Variants in IGF2BP1 observed in about 807,000 individuals in gnomAD.
The protein encoded by IGF2BP1 is insulin-like growth factor 2 mRNA-binding protein 1.
Under a neutral mutation model 74.9 loss-of-function variants are expected in IGF2BP1, and 11 were observed. That is an observed-to-expected ratio of 0.15 (90% CI 0.09 to 0.24). The LOEUF (loss-of-function observed/expected upper bound fraction) is 0.24. Ranked by LOEUF, IGF2BP1 falls within the 10% of genes least tolerant of loss-of-function variation. The pLI, the probability that IGF2BP1 is intolerant of heterozygous loss-of-function variation, is 1.00. For synonymous variants in IGF2BP1, 287 were observed against 281.8 expected, an observed-to-expected ratio of 1.02 and a Z score of -0.18; for missense variants, 440 against 757.4, an observed-to-expected ratio of 0.58 and a Z score of 4.92.
At chr17:49,003,595 T>G (rs1041571837) in intron 2 of IGF2BP1, among the ~76,000 whole-genome samples, 1 of 152,120 alleles carries the variant, frequency 6.6e-6, no homozygotes, top group African/African-American at 2.4e-5. Context: ...TGTTAGAATT[T>G]AAAATAAGTG....
At chr17:49,048,519 C>G (rs144561310) in intron 14 of IGF2BP1, among the ~76,000 whole-genome samples, 95 of 152,234 alleles carry the variant, frequency 6.2e-4, no homozygotes, top group African/African-American at 2.2e-3. Flanking sequence ...CCCCAAAGCG[C>G]TAGGATTACA....
chr17:49,016,800 CGCCCCCCTGTCCTCCT>C (rs1228749588), intron 2 of IGF2BP1, among the ~76,000 whole-genome samples: 1 of 127,010 alleles, frequency 7.9e-6, no homozygotes, highest in East Asian at 3.0e-4. Context: ...CCCGCCCGCC[CGCCCCCCTGTCCTCCT>C]GCCCCCCCGC....
intron 3 of IGF2BP1, among the ~76,000 whole-genome samples, chr17:49,025,938 C>A (rs2041848757): frequency 6.6e-6 from 1 of 150,640 alleles, no homozygotes; most frequent in Non-Finnish European, 1.5e-5. Flanking sequence ...TCACTGCATC[C>A]TCTTCCTCCT....
intron 9 of IGF2BP1, 93 bp downstream of exon 9, chr17:49,042,470 C>T (rs2289637): frequency 0.17 from 235,657 of 1,395,632 alleles, 21,029 homozygotes; most frequent in African/African-American, 0.29. Context: ...TGCCCTGTGC[C>T]GTGTGGCCTT....
chr17:49,037,305 C>T, intron 5 of IGF2BP1: 1 of 481,220 alleles, frequency 2.1e-6, no homozygotes, highest in Non-Finnish European at 3.9e-6. Context: ...GAAAGGACGT[C>T]TAACTGCTCA....
intron 1 of IGF2BP1, among the ~76,000 whole-genome samples, chr17:48,998,902 T>TA (rs1330719242): frequency 6.6e-6 from 1 of 151,846 alleles, no homozygotes; most frequent in Non-Finnish European, 1.5e-5. Context: ...AAGCAAAAAT[T>TA]AAAAAATGAA....
chr17:49,024,394 A>G (rs2041827865), intron 2 of IGF2BP1, among the ~76,000 whole-genome samples: 1 of 152,004 alleles, frequency 6.6e-6, no homozygotes, highest in African/African-American at 2.4e-5. Context: ...AGTTTGGGTG[A>G]CAGAGCACTT....
intron 4 of IGF2BP1, among the ~76,000 whole-genome samples, chr17:49,030,418 AGGC>A (rs984311001): frequency 2.6e-5 from 4 of 152,170 alleles, no homozygotes; most frequent in Admixed American, 2.0e-4. Context: ...CTGGGATTAC[AGGC>A]GTGAGCCACT....
At chr17:49,014,723 T>G (rs1047641195) in intron 2 of IGF2BP1, 29 of 973,738 alleles carry the variant, frequency 3.0e-5, no homozygotes, top group Non-Finnish European at 3.4e-5. Flanking sequence ...CCGCCACTTA[T>G]GGACACGCAG....
chr17:49,004,441 A>T (rs939916197), intron 2 of IGF2BP1, among the ~76,000 whole-genome samples: 6 of 152,202 alleles, frequency 3.9e-5, no homozygotes, highest in Non-Finnish European at 8.8e-5. Flanking sequence ...GTAAAGGGAA[A>T]ATAGGATGAG....
chr17:49,014,337 TC>T (rs1181816603), intron 2 of IGF2BP1, among the ~76,000 whole-genome samples: 1 of 126,276 alleles, frequency 7.9e-6, no homozygotes, highest in Non-Finnish European at 1.6e-5. Context: ...CCAGTCGCCG[TC>T]CCCCTCAGTG....
At chr17:49,028,898 C>T (rs1336547317) in intron 4 of IGF2BP1, among the ~76,000 whole-genome samples, 3 of 152,146 alleles carry the variant, frequency 2.0e-5, no homozygotes, top group Admixed American at 6.6e-5. Context: ...ACCTCCGCCT[C>T]CTGGGTTCAA....
chr17:49,012,044 T>A, intron 2 of IGF2BP1, among the ~76,000 whole-genome samples: 1 of 151,994 alleles, frequency 6.6e-6, no homozygotes, highest in South Asian at 2.1e-4. Context: ...CCTGAGTAGA[T>A]ACAGGCATGT....
intron 4 of IGF2BP1, among the ~76,000 whole-genome samples, chr17:49,027,111 C>T (rs1179641069): frequency 6.6e-6 from 1 of 152,140 alleles, no homozygotes; most frequent in Non-Finnish European, 1.5e-5. Flanking sequence ...ATGTGTTAGG[C>T]GGGGAAATAC....
chr17:49,025,781 G>T, intron 3 of IGF2BP1, 115 bp downstream of exon 3: 1 of 771,786 alleles, frequency 1.3e-6, no homozygotes, highest in East Asian at 2.7e-5. Context: ...GGCTAGGGAG[G>T]CCTGGGTCTC....
chr17:49,012,148 G>A (rs566514384), intron 2 of IGF2BP1, among the ~76,000 whole-genome samples: 59 of 152,122 alleles, frequency 3.9e-4, no homozygotes, highest in African/African-American at 1.3e-3. Context: ...CAGGCGATCC[G>A]CCCTCCTTTG....
At chr17:49,048,145 C>G (rs555182139) in intron 14 of IGF2BP1, among the ~76,000 whole-genome samples, 1 of 152,128 alleles carries the variant, frequency 6.6e-6, no homozygotes, top group South Asian at 2.1e-4. Flanking sequence ...AGGGAAGAAC[C>G]TTTTAAGAAG....
At chr17:49,038,876 A>C (rs7222878) in intron 6 of IGF2BP1, among the ~76,000 whole-genome samples, 82,787 of 131,978 alleles carry the variant, frequency 0.63, 26,895 homozygotes, top group East Asian at 0.83. Flanking sequence ...TTTCTTTAAT[A>C]TTTTTTTTTT....
At chr17:49,023,815 C>T (rs952203860) in intron 2 of IGF2BP1, among the ~76,000 whole-genome samples, 1 of 151,900 alleles carries the variant, frequency 6.6e-6, no homozygotes, top group Admixed American at 6.5e-5. Context: ...TGCATCAAGT[C>T]AATTTAAAAA....
Sources: allele counts gnomAD v4.1 joint callset (sites outside exome capture counted in the v4.1 genomes callset), GRCh38; gene constraint gnomAD v4.1.1; transcripts MANE v1.5; gene names NCBI Gene and HGNC (gene_info 2026-07-23, HGNC 2026-07-21).